XYLT1: variants seen among roughly 807,000 people sequenced by gnomAD.
The protein encoded by XYLT1 is beta-D-xylosyltransferase 1.
Under a neutral mutation model 91.3 loss-of-function variants are expected in XYLT1, and 36 were observed. That is an observed-to-expected ratio of 0.39 (90% CI 0.30 to 0.52). The LOEUF is 0.52. XYLT1 is among the 20% of genes least tolerant of loss of function. XYLT1 has a pLI of 0.68. For synonymous variants in XYLT1, 588 were observed against 532.0 expected (o/e 1.11, Z -1.45); for missense variants, 1,242 against 1,284.5 (o/e 0.97, Z 0.51).
chr16:17,437,696 A>T (rs2036478403), intron 1 of XYLT1, among the ~76,000 whole-genome samples: 1 of 152,164 alleles, frequency 6.6e-6, no homozygotes, highest in Non-Finnish European at 1.5e-5. Context: ...GCTCCTTCAA[A>T]ATACCTCTCC....
chr16:17,244,896 GCAA>G lies in XYLT1; in HGVS notation c.913+14089_913+14091del, dbSNP rs571721119. Among the ~76,000 whole-genome samples the G allele has an allele frequency of 4.5e-3, 684 of 152,226 alleles. 8 individuals carry two copies. Among genetic ancestry groups the G allele is most frequent in the African/African-American group, 0.016 (663 of 41,538 alleles). On this transcript the variant is annotated intron_variant, in intron 3 of 11. Coordinates refer to ENST00000261381, the MANE Select transcript of XYLT1 (RefSeq NM_022166.4). Reference sequence around the variant, plus strand: ...AAACAGACCTCAGACCTGGACATGTGCAACAACAACAAAAAAATCATCTAACTT... The same window carrying G: ...AAACAGACCTCAGACCTGGACATGTGCAACAACAAAAAAATCATCTAACTT...
intron 1 of XYLT1, among the ~76,000 whole-genome samples, chr16:17,442,584 G>A (rs1041566871): frequency 1.3e-5 from 2 of 152,082 alleles, no homozygotes; most frequent in African/African-American, 4.8e-5. Context: ...CAGGCTGCCT[G>A]GAGCATTTTT....
chr16:17,178,609 T>C (rs376828422), intron 5 of XYLT1, among the ~76,000 whole-genome samples: 84 of 152,330 alleles, frequency 5.5e-4, no homozygotes, highest in African/African-American at 1.9e-3. Context: ...GTGCAAACTA[T>C]TGCCTGCCAC....
At position 17,108,405 on chromosome 16, in the gene XYLT1, G is replaced by A; in HGVS notation, c.*290C>T. Reference sequence around the variant, plus strand: ...AAATCACACGTCTGGGGTCAGGGGTGGGTCACTGGAAGGGGAAGACAAGGA... The same window carrying A: ...AAATCACACGTCTGGGGTCAGGGGTAGGTCACTGGAAGGGGAAGACAAGGA... On this transcript the variant is annotated 3_prime_UTR_variant, in exon 12 of 12. Coordinates refer to ENST00000261381, the MANE Select transcript of XYLT1 (RefSeq NM_022166.4). 2.8e-6 allele frequency: 1 copy of A among 360,004 alleles called. No individual in the cohort carries two copies. 22.3% of individuals were successfully genotyped at this position (360,004 alleles called of 1,614,324 possible). A position where few individuals can be genotyped will look rare whatever the true frequency, so the allele number is the denominator to read the frequency against.
intron 3 of XYLT1, among the ~76,000 whole-genome samples, chr16:17,229,727 C>G (rs11646101): frequency 6.6e-6 from 1 of 151,978 alleles, no homozygotes; most frequent in African/African-American, 2.4e-5. Flanking sequence ...GGGCATTATC[C>G]CAATTTTAAA....
At chr16:17,250,623 A>G (rs11864238) in intron 3 of XYLT1, 31,810 of 152,246 alleles carry the variant, frequency 0.21, 3,866 homozygotes, top group African/African-American at 0.33. Flanking sequence ...GGGTCTTCTG[A>G]TGTTCTCTGG....
intron 6 of XYLT1, among the ~76,000 whole-genome samples, chr16:17,151,327 G>A (rs760584768): frequency 5.8e-4 from 88 of 152,338 alleles, no homozygotes; most frequent in Admixed American, 1.4e-3. Flanking sequence ...CTGGGAGACT[G>A]AGACACGAGA....
chr16:17,223,005 T>G (rs2032998451), intron 3 of XYLT1, among the ~76,000 whole-genome samples: 1 of 150,360 alleles, frequency 6.7e-6, no homozygotes, highest in South Asian at 2.1e-4. Context: ...CCTCAAATGC[T>G]TCAGGGTCAG....
At chr16:17,301,482 CTT>C (rs1441589199) in intron 2 of XYLT1, among the ~76,000 whole-genome samples, 3 of 152,132 alleles carry the variant, frequency 2.0e-5, no homozygotes, top group African/African-American at 7.2e-5. Flanking sequence ...CTGATAAAAT[CTT>C]TTCCCACAGT....
intron 1 of XYLT1, among the ~76,000 whole-genome samples, chr16:17,433,148 T>C (rs535713959): frequency 8.7e-4 from 133 of 152,156 alleles, no homozygotes; most frequent in African/African-American, 3.1e-3. Context: ...ACTTGCTAAG[T>C]GGAGAGCCAA....
At chr16:17,268,019 G>A (rs2033832723) in intron 2 of XYLT1, among the ~76,000 whole-genome samples, 1 of 152,110 alleles carries the variant, frequency 6.6e-6, no homozygotes, top group African/African-American at 2.4e-5. Context: ...AACTGTTGGG[G>A]GTCCCTGAGG....
At position 17,414,874 on chromosome 16, in the gene XYLT1, ACC is replaced by A. The variant is rs1394232522; in HGVS notation, c.363+55558_363+55559del. On this transcript the variant is annotated intron_variant, in intron 1 of 11. Transcript: ENST00000261381. ...TGCTGTGAGATTAAAGCGCATGAAT[ACC>A]CAACGGGGCCGGCATGTGGTGAGCA... Among the ~76,000 whole-genome samples, 27 of 152,196 alleles carry A rather than the reference ACC, an allele frequency of 1.8e-4. No homozygotes were observed. In the South Asian group the frequency reaches 2.7e-3, roughly 15 times the overall value.
intron 2 of XYLT1, among the ~76,000 whole-genome samples, chr16:17,286,380 T>C (rs1728334626): frequency 6.6e-6 from 1 of 152,160 alleles, no homozygotes; most frequent in Non-Finnish European, 1.5e-5. Flanking sequence ...CATCCAAGAA[T>C]GTTCTCAGGG....
chr16:17,255,162 A>G (rs773300887), intron 3 of XYLT1, among the ~76,000 whole-genome samples: 9 of 151,418 alleles, frequency 5.9e-5, no homozygotes, highest in Non-Finnish European at 1.3e-4. Flanking sequence ...ATGCCCAGCT[A>G]ATTTTTTTGT....
At chr16:17,332,567 T>TACACACACACACAC (rs60919228) in intron 2 of XYLT1, among the ~76,000 whole-genome samples, 49 of 138,000 alleles carry the variant, frequency 3.6e-4, no homozygotes, top group African/African-American at 1.1e-3. Context: ...ATCACACACA[T>TACACACACACACAC]ACACACACAC....
At chr16:17,373,503 T>C (rs991666105) in intron 1 of XYLT1, among the ~76,000 whole-genome samples, 1 of 152,218 alleles carries the variant, frequency 6.6e-6, no homozygotes, top group African/African-American at 2.4e-5. Flanking sequence ...CGTGTTTCAT[T>C]CTCTCCAGCC....
chr16:17,226,292 C>T (rs563601916), intron 3 of XYLT1, among the ~76,000 whole-genome samples: 2 of 152,248 alleles, frequency 1.3e-5, no homozygotes, highest in South Asian at 4.1e-4. Flanking sequence ...AGCCACATAC[C>T]GTAGGGACAT....
chr16:17,157,083 G>A (rs186687577), intron 6 of XYLT1, among the ~76,000 whole-genome samples: 22 of 152,142 alleles, frequency 1.4e-4, no homozygotes, highest in African/African-American at 5.3e-4. Flanking sequence ...AAGTAGCTGG[G>A]ATTATAGGTG....
chr16:17,228,134 T>C (rs1228839472), intron 3 of XYLT1: 1 of 152,184 alleles, frequency 6.6e-6, no homozygotes, highest in African/African-American at 2.4e-5. Context: ...CTGTCTTCAC[T>C]GGCCAATAAG....
Sources: gnomAD v4.1 joint callset for allele counts (sites outside exome capture counted in the v4.1 genomes callset) on GRCh38, gnomAD v4.1.1 for gene constraint, MANE v1.5 for transcripts, NCBI Gene and HGNC (gene_info 2026-07-23, HGNC 2026-07-21) for gene names.